Variants in EFCAB8 observed in about 807,000 individuals in gnomAD.
EFCAB8 encodes EF-hand calcium-binding domain-containing protein 8.
EFCAB8 carries 100 observed loss-of-function variants against 116.3 expected under a neutral mutation model. The ratio of observed to expected loss-of-function variants is 0.86; its 90% CI spans 0.73 to 1.02. The LOEUF is 1.02. EFCAB8 is among the 50% of genes least tolerant of loss of function. The pLI is 0.00. For missense variants in EFCAB8, 1,320 were observed against 1,416.9 expected, an observed-to-expected ratio of 0.93 and a Z score of 1.10; for synonymous variants, 558 against 567.9, an observed-to-expected ratio of 0.98 and a Z score of 0.25.
At chr20:32,881,188 A>G (rs547014122) in intron 5 of EFCAB8, among the ~76,000 whole-genome samples, 2 of 152,202 alleles carry the variant, frequency 1.3e-5, no homozygotes, top group East Asian at 3.9e-4. Flanking sequence ...AGACAATGTC[A>G]TCTCTCTTTT....
intron 3 of EFCAB8, among the ~76,000 whole-genome samples, chr20:32,871,721 TCC>T (rs1450092116): frequency 5.9e-5 from 9 of 152,134 alleles, no homozygotes; most frequent in African/African-American, 2.2e-4. Flanking sequence ...GAGTGCGGGC[TCC>T]ATACCGTGTC....
intron 2 of EFCAB8, among the ~76,000 whole-genome samples, chr20:32,867,195 T>C (rs1198582437): frequency 8.5e-5 from 13 of 152,288 alleles, no homozygotes; most frequent in Admixed American, 7.8e-4. Flanking sequence ...GCTGGGATTA[T>C]GGGCATGAGC....
At chr20:32,913,464 T>A (rs1184290994) in intron 17 of EFCAB8, among the ~76,000 whole-genome samples, 2 of 152,212 alleles carry the variant, frequency 1.3e-5, no homozygotes, top group Admixed American at 1.3e-4. Flanking sequence ...TTTCAATATA[T>A]GAATTTTGGG....
intron 6 of EFCAB8, among the ~76,000 whole-genome samples, chr20:32,888,826 C>T (rs1233566901): frequency 2.0e-5 from 3 of 152,124 alleles, no homozygotes; most frequent in African/African-American, 4.8e-5. Flanking sequence ...TTCCAGGTGG[C>T]TTCTGGCCTG....
rs1256050540 is a variant in EFCAB8, at chr20:32,930,577, C to G, written c.2592C>G (p.Asp864Glu). Reference protein sequence around the residue: ...VVGAMATDKNDWILITGDCKG... With the variant: ...VVGAMATDKNEWILITGDCKG... ...GTGCCATGGCCACTGATAAAAATGA[C>G]TGGATCCTCATCACGGGGGATTGTA... Residue 864 changes from aspartate (D) to glutamate (E), a missense_variant, in exon 21 of 27, where the codon GAC becomes GAG. Transcript: ENST00000400522. 1.3e-6 allele frequency: 2 copies of G among 1,552,336 alleles called. No individual in the cohort carries two copies. Among genetic ancestry groups the G allele is most frequent in the South Asian group, 2.4e-5 (2 of 84,064 alleles).
chr20:32,960,798 G>A (rs1989124890), intron 26 of EFCAB8, among the ~76,000 whole-genome samples: 1 of 152,238 alleles, frequency 6.6e-6, no homozygotes, highest in African/African-American at 2.4e-5. Context: ...AGGCTGGTGT[G>A]AGATGGATTG....
chr20:32,882,646 G>A (rs1044361178), intron 5 of EFCAB8, among the ~76,000 whole-genome samples: 14 of 152,044 alleles, frequency 9.2e-5, no homozygotes, highest in Non-Finnish European at 5.9e-5. Context: ...TCAGCCTCCC[G>A]AGTAACTGGG....
chr20:32,956,229 GTTA>G, intron 23 of EFCAB8, among the ~76,000 whole-genome samples: 1 of 151,958 alleles, frequency 6.6e-6, no homozygotes, highest in Non-Finnish European at 1.5e-5. Flanking sequence ...CCATGTTTAT[GTTA>G]TTATTATATA....
intron 26 of EFCAB8, among the ~76,000 whole-genome samples, chr20:32,960,685 G>A (rs1989118586): frequency 6.6e-6 from 1 of 152,334 alleles, no homozygotes; most frequent in East Asian, 1.9e-4. Flanking sequence ...TCTGCCAGGG[G>A]AATATTGTGG....
chr20:32,926,344 G>A (rs560491594), intron 20 of EFCAB8, among the ~76,000 whole-genome samples: 1 of 151,928 alleles, frequency 6.6e-6, no homozygotes, highest in Admixed American at 6.5e-5. Flanking sequence ...TACTGTGAAA[G>A]TTGTGTGCAC....
rs1989155442 is a variant in EFCAB8, at chr20:32,961,545, C to T, written c.3803C>T (p.Pro1268Leu). ...CACATTGTCTCCTCCTTCGAGCGGC[C>T]CCCAAGGCCTCTGAAGGCCACCTTC... ...PKHIVSSFER[P>L]PRPLKATFMS... is the part of the protein sequence containing the mutation. Residue 1268 changes from proline (P) to leucine (L), a missense_variant, in exon 27 of 27, where the codon CCC (proline) becomes CTC (leucine). Coordinates refer to ENST00000400522, the MANE Select transcript of EFCAB8 (RefSeq NM_001143967.2). 5.0e-6 allele frequency: 7 copies of T among 1,407,656 alleles called. No individual in the cohort carries two copies. Among genetic ancestry groups the T allele is most frequent in the Non-Finnish European group, 6.5e-6 (7 of 1,078,784 alleles). The allele number at this position is 1,407,656 out of a possible 1,614,324, so 87.2% of individuals were successfully genotyped here.
chr20:32,867,535 A>G (rs1405118881), intron 2 of EFCAB8, 47 bp from the exon 3 acceptor site: 1 of 1,532,854 alleles, frequency 6.5e-7, no homozygotes, highest in Non-Finnish European at 8.8e-7. Flanking sequence ...TGTTTGGCTC[A>G]GGAAATTGAA....
chr20:32,939,895 A>G (rs1464975812), intron 22 of EFCAB8, among the ~76,000 whole-genome samples: 1 of 146,580 alleles, frequency 6.8e-6, no homozygotes, highest in Non-Finnish European at 1.5e-5. Context: ...GGGTTTTGCC[A>G]TGTTGGCCAA....
intron 6 of EFCAB8, among the ~76,000 whole-genome samples, chr20:32,887,652 G>C (rs1009114855): frequency 4.6e-5 from 7 of 152,194 alleles, no homozygotes; most frequent in Non-Finnish European, 7.3e-5. Context: ...ACTCTAAGCC[G>C]AGTGGGCTGG....
At chr20:32,895,675 G>C (rs976941753) in intron 9 of EFCAB8, among the ~76,000 whole-genome samples, 9 of 151,046 alleles carry the variant, frequency 6.0e-5, no homozygotes, top group Non-Finnish European at 8.8e-5. Flanking sequence ...GGGTTCAAGT[G>C]ATTCTCCCGC....
intron 20 of EFCAB8, 154 bp downstream of exon 20, chr20:32,920,369 G>A: frequency 9.2e-7 from 1 of 1,086,808 alleles, no homozygotes. Flanking sequence ...AGACGCTCAG[G>A]ATACTGGAGT....
intron 1 of EFCAB8, 87 bp downstream of exon 1, chr20:32,859,093 G>A (rs1440261349): frequency 6.4e-6 from 3 of 468,582 alleles, no homozygotes; most frequent in Non-Finnish European, 1.3e-5. Flanking sequence ...AGGCTGGAGA[G>A]CAGCTCTTAT....
chr20:32,899,969 T>C (rs1258660292), intron 11 of EFCAB8, among the ~76,000 whole-genome samples: 1 of 152,192 alleles, frequency 6.6e-6, no homozygotes, highest in Non-Finnish European at 1.5e-5. Context: ...GCTGGGTGGC[T>C]CTTGCCCCTG....
chr20:32,876,642 A>G (rs149352571), intron 4 of EFCAB8, among the ~76,000 whole-genome samples: 91 of 152,254 alleles, frequency 6.0e-4, no homozygotes, highest in African/African-American at 1.7e-3. Context: ...CTTAAACCTC[A>G]TAGGAATCCT....
Sources: allele counts gnomAD v4.1 joint callset (sites outside exome capture counted in the v4.1 genomes callset), GRCh38; gene constraint gnomAD v4.1.1; transcripts MANE v1.5; gene names NCBI Gene and HGNC (gene_info 2026-07-23, HGNC 2026-07-21).